The following LEKR1 variants were observed in gnomAD, a reference collection of about 807,000 sequenced individuals.
The protein encoded by LEKR1 is leucine, glutamate and lysine rich 1.
LEKR1 carries 59 observed loss-of-function variants against 72.4 expected under a neutral mutation model. The observed-to-expected ratio is 0.82, with a 90% CI of 0.66 to 1.01. The LOEUF is 1.01. Among genes scored for constraint, LEKR1 ranks in the 50% least tolerant of loss-of-function variants. The pLI is 0.00. For missense variants in LEKR1, 728 were observed against 759.2 expected (o/e 0.96, Z 0.48); for synonymous variants, 257 against 263.2 (o/e 0.98, Z 0.23).
At chr3:156,897,599 T>G (rs1721324518) in intron 3 of LEKR1, among the ~76,000 whole-genome samples, 1 of 152,160 alleles carries the variant, frequency 6.6e-6, no homozygotes, top group Non-Finnish European at 1.5e-5. Context: ...GATAATTGGT[T>G]GAGTTTGTCT....
At chr3:156,936,945 C>T (rs758472807) in intron 5 of LEKR1, among the ~76,000 whole-genome samples, 1 of 152,020 alleles carries the variant, frequency 6.6e-6, no homozygotes, top group Non-Finnish European at 1.5e-5. Context: ...AATCATGGTA[C>T]CTAAAAGGGA....
chr3:156,981,559 C>G (rs928148783), intron 7 of LEKR1, among the ~76,000 whole-genome samples: 12 of 152,180 alleles, frequency 7.9e-5, no homozygotes, highest in African/African-American at 2.7e-4. Context: ...AAAGATAGAG[C>G]CACTTAAATG....
chr3:156,935,706 T>C (rs1725633797), intron 5 of LEKR1, among the ~76,000 whole-genome samples: 1 of 152,172 alleles, frequency 6.6e-6, no homozygotes, highest in Admixed American at 6.6e-5. Context: ...ATGCAGACCT[T>C]CGCTTTCCCA....
At chr3:156,917,541 T>C (rs1033916721) in intron 3 of LEKR1, among the ~76,000 whole-genome samples, 1 of 152,066 alleles carries the variant, frequency 6.6e-6, no homozygotes, top group Admixed American at 6.6e-5. Context: ...CACAAAGAAA[T>C]AGAAATGGGA....
chr3:156,973,365 A>T (rs1175187669), intron 6 of LEKR1, among the ~76,000 whole-genome samples: 1 of 152,136 alleles, frequency 6.6e-6, no homozygotes, highest in African/African-American at 2.4e-5. Flanking sequence ...GATGATGATG[A>T]TGGAAGACAC....
At chr3:156,971,318 A>G (rs978601343) in intron 6 of LEKR1, among the ~76,000 whole-genome samples, 8 of 152,254 alleles carry the variant, frequency 5.3e-5, no homozygotes, top group African/African-American at 1.7e-4. Flanking sequence ...TCCCTTCCTT[A>G]CACCTTATAC....
chr3:156,906,572 C>A (rs1056902360), intron 3 of LEKR1, among the ~76,000 whole-genome samples: 1 of 152,156 alleles, frequency 6.6e-6, no homozygotes, highest in Non-Finnish European at 1.5e-5. Context: ...TGTGTGCTAG[C>A]ACAGTACATA....
At chr3:156,955,888 C>T (rs990257120) in intron 6 of LEKR1, among the ~76,000 whole-genome samples, 1 of 148,090 alleles carries the variant, frequency 6.8e-6, no homozygotes, top group Non-Finnish European at 1.5e-5. Flanking sequence ...TATGGCCAGA[C>T]AAGTTCAGCA....
chr3:156,994,059 G>A (rs1731351687), intron 9 of LEKR1, among the ~76,000 whole-genome samples: 1 of 151,824 alleles, frequency 6.6e-6, no homozygotes, highest in South Asian at 2.1e-4. Context: ...GTTTCATAAG[G>A]GCAGGAATTT....
intron 7 of LEKR1, among the ~76,000 whole-genome samples, chr3:156,989,810 CCT>C (rs934957293): frequency 1.4e-4 from 22 of 151,842 alleles, no homozygotes; most frequent in African/African-American, 4.6e-4. Flanking sequence ...CCTCCCTCTC[CCT>C]CTCTCTCTGC....
intron 6 of LEKR1, among the ~76,000 whole-genome samples, chr3:156,971,117 G>A (rs904477303): frequency 3.3e-4 from 50 of 152,294 alleles, no homozygotes; most frequent in African/African-American, 1.1e-3. Flanking sequence ...AAACAAAACA[G>A]CATGGTACTG....
chr3:156,888,283 T>C, intron 3 of LEKR1: 2 of 700,682 alleles, frequency 2.9e-6, no homozygotes, highest in South Asian at 3.0e-5. Flanking sequence ...AATGTTTATG[T>C]TCAATCTTAA....
In LEKR1 at chr3:156,910,258, A is replaced by G. The variant is rs151324771; in HGVS notation, c.264-10317A>G. Among the ~76,000 whole-genome samples, 22 of 152,210 alleles carry G rather than the reference A, an allele frequency of 1.4e-4. No homozygotes were observed. In the East Asian group the frequency reaches 4.2e-3, roughly 29 times the overall value. ...TGTCACCCAGGTAGTGAGCATAGTAACTAATAGTTTGTCAGCCCATACTGC... is the reference window on the plus strand; with the variant it reads ...TGTCACCCAGGTAGTGAGCATAGTAGCTAATAGTTTGTCAGCCCATACTGC... On this transcript the variant is annotated intron_variant, in intron 3 of 12. Coordinates refer to ENST00000356539, the MANE Select transcript of LEKR1 (RefSeq NM_001004316.3).
At chr3:156,917,365 G>C (rs1293044485) in intron 3 of LEKR1, among the ~76,000 whole-genome samples, 1 of 152,066 alleles carries the variant, frequency 6.6e-6, no homozygotes, top group Admixed American at 6.6e-5. Flanking sequence ...AAAGAAATCA[G>C]TTTCTAAAGC....
At chr3:156,833,301 T>C (rs1235043431) in intron 2 of LEKR1, among the ~76,000 whole-genome samples, 5 of 152,176 alleles carry the variant, frequency 3.3e-5, no homozygotes, top group Admixed American at 2.0e-4. Context: ...TTTAAAGATA[T>C]CAGAAATCTG....
At chr3:156,883,221 G>C (rs1187813633) in intron 3 of LEKR1, among the ~76,000 whole-genome samples, 1 of 11,824 alleles carries the variant, frequency 8.5e-5, no homozygotes, top group Non-Finnish European at 1.5e-4. Flanking sequence ...CTTGCATGGG[G>C]CCTGTAGCCC....
At position 156,912,521 on chromosome 3, in the gene LEKR1, A is replaced by C. The variant is rs141960539; in HGVS notation, c.264-8054A>C. Among the ~76,000 whole-genome samples, 31 of 152,274 alleles carry C rather than the reference A, an allele frequency of 2.0e-4. No homozygotes were observed. In the East Asian group the frequency reaches 6.0e-3, roughly 29 times the overall value. On this transcript the variant is annotated intron_variant, in intron 3 of 12. Coordinates refer to ENST00000356539, the MANE Select transcript of LEKR1 (RefSeq NM_001004316.3). ...CAGACAGCCTATGCTCAGAACTCAAAACTGTCCCAGGCCCTGCCTATCTGC... is the reference window on the plus strand; with the variant it reads ...CAGACAGCCTATGCTCAGAACTCAACACTGTCCCAGGCCCTGCCTATCTGC...
rs28607543 is a variant in LEKR1 at position 156,987,688 on chromosome 3, A to G, written c.828-4965A>G. Among the ~76,000 whole-genome samples the G allele has an allele frequency of 1.4e-3, 216 of 152,314 alleles. 1 individual carries two copies. The highest frequency in any genetic ancestry group is 5.0e-3 in the African/African-American group (209 of 41,576). Reference sequence around the variant, plus strand: ...AAGTCCACATTTCAGTTCCCAGGCAATATAAAAGTGAATGTTTTACATATA... The same window carrying G: ...AAGTCCACATTTCAGTTCCCAGGCAGTATAAAAGTGAATGTTTTACATATA... On this transcript the variant is annotated intron_variant, in intron 7 of 12. Coordinates refer to ENST00000356539, the MANE Select transcript of LEKR1 (RefSeq NM_001004316.3).
At chr3:156,895,555 G>A (rs1443655093) in intron 3 of LEKR1, among the ~76,000 whole-genome samples, 1 of 152,072 alleles carries the variant, frequency 6.6e-6, no homozygotes, top group African/African-American at 2.4e-5. Context: ...AGGTTGCAAT[G>A]AGCTGAGATT....
Sources: gnomAD v4.1 joint callset for allele counts (sites outside exome capture counted in the v4.1 genomes callset) on GRCh38, gnomAD v4.1.1 for gene constraint, MANE v1.5 for transcripts, NCBI Gene and HGNC (gene_info 2026-07-23, HGNC 2026-07-21) for gene names.